The following KRAS variants were observed in gnomAD, a reference collection of about 807,000 sequenced individuals.
KRAS encodes the protein GTPase KRas.
In KRAS, 1 loss-of-function variant was observed where a neutral mutation model predicts 21.0. That is an observed-to-expected ratio of 0.05 (90% CI 0.02 to 0.23). KRAS has a LOEUF of 0.23. Ranked by LOEUF, KRAS falls within the 10% of genes least tolerant of loss-of-function variation. The pLI is 1.00. For missense variants in KRAS, 107 were observed against 221.8 expected (o/e 0.48, Z 3.29); for synonymous variants, 67 against 72.5 (o/e 0.92, Z 0.39).
At chr12:25,245,847 C>G (rs1031159049) in intron 1 of KRAS, among the ~76,000 whole-genome samples, 1 of 152,142 alleles carries the variant, frequency 6.6e-6, no homozygotes, top group Admixed American at 6.5e-5. Context: ...TGGACCCCCA[C>G]CTCTAAGTGT....
intron 4 of KRAS, among the ~76,000 whole-genome samples, chr12:25,210,218 T>C (rs1030177875): frequency 1.3e-5 from 2 of 152,200 alleles, no homozygotes; most frequent in Non-Finnish European, 1.5e-5. Flanking sequence ...TTTTTCCACA[T>C]TGGCAAACCT....
intron 4 of KRAS, among the ~76,000 whole-genome samples, chr12:25,211,760 T>TGGG (rs1951202271): frequency 6.6e-6 from 1 of 152,174 alleles, no homozygotes; most frequent in Admixed American, 6.5e-5. Flanking sequence ...AAACATAGAA[T>TGGG]GGGAATAAGA....
At chr12:25,215,658 GA>G (rs1951247305) in intron 4 of KRAS, 19 of 1,018,104 alleles carry the variant, frequency 1.9e-5, no homozygotes, top group Non-Finnish European at 2.6e-5. Context: ...ATGAGCTTGA[GA>G]TTTTTTTTTT....
chr12:25,238,831 T>G (rs1254129678), intron 2 of KRAS, among the ~76,000 whole-genome samples: 1 of 152,254 alleles, frequency 6.6e-6, no homozygotes, highest in Non-Finnish European at 1.5e-5. Flanking sequence ...GATTTCCATT[T>G]TTTTAAAATC....
At chr12:25,231,104 T>C (rs1182439725) in intron 2 of KRAS, among the ~76,000 whole-genome samples, 1 of 138,820 alleles carries the variant, frequency 7.2e-6, no homozygotes, top group Non-Finnish European at 1.6e-5. Context: ...TTTTTTTTTT[T>C]TTTTTTTTTT....
chr12:25,232,868 T>G (rs553197977), intron 2 of KRAS, among the ~76,000 whole-genome samples: 1 of 152,302 alleles, frequency 6.6e-6, no homozygotes, highest in South Asian at 2.1e-4. Context: ...AAGCACAATA[T>G]TTTTGGAAAG....
In KRAS at chr12:25,209,193, A is replaced by T; in HGVS notation, c.*602T>A. ...TTTTTTTCCATTTTTTTCTTTTTAT[A>T]GAAAAAATATAATATTTTGGGGAGA... On this transcript the variant is annotated 3_prime_UTR_variant, in exon 5 of 5. Transcript: ENST00000311936. 2 of 665,096 alleles carry T rather than the reference A, an allele frequency of 3.0e-6. No individual in the cohort carries two copies. Among genetic ancestry groups the T allele is most frequent in the Non-Finnish European group, 5.4e-6 (2 of 370,024 alleles). The allele number at this position is 665,096 out of a possible 1,614,324, so 41.2% of individuals were successfully genotyped here. A position where few individuals can be genotyped will look rare whatever the true frequency, so the allele number is the denominator to read the frequency against.
In KRAS at chr12:25,206,869, A is replaced by C. The variant is rs1268744713; in HGVS notation, c.*2926T>G. On this transcript the variant is annotated 3_prime_UTR_variant, in exon 5 of 5. Transcript: ENST00000311936. ...ATATTACACATTTGGGTCAATATGA[A>C]TATCTGACATACACCTTAATGTGTA... 2.0e-5 allele frequency: 4 copies of C among 200,458 alleles called. No homozygotes were observed. The highest frequency in any genetic ancestry group is 4.1e-5 in the Non-Finnish European group (4 of 97,326). The allele number at this position is 200,458 out of a possible 1,614,324, so 12.4% of individuals were successfully genotyped here. A position where few individuals can be genotyped will look rare whatever the true frequency, so the allele number is the denominator to read the frequency against.
At chr12:25,224,504 T>G (rs550520721) in intron 4 of KRAS, among the ~76,000 whole-genome samples, 12 of 152,186 alleles carry the variant, frequency 7.9e-5, no homozygotes, top group Non-Finnish European at 1.8e-4. Flanking sequence ...AAAATTTGTA[T>G]AGCTGTATAA....
intron 2 of KRAS, among the ~76,000 whole-genome samples, chr12:25,231,092 CTTTTTTTT>C (rs34361223): frequency 2.9e-4 from 19 of 66,392 alleles, no homozygotes; most frequent in Non-Finnish European, 4.1e-4. Flanking sequence ...ACCTCACATT[CTTTTTTTT>C]TTTTTTTTTT....
At chr12:25,220,279 C>T (rs1382712757) in intron 4 of KRAS, among the ~76,000 whole-genome samples, 2 of 152,206 alleles carry the variant, frequency 1.3e-5, no homozygotes, top group Non-Finnish European at 2.9e-5. Context: ...ATAGGGACTA[C>T]ACAATGTACT....
At chr12:25,245,756 C>T (rs61759633) in intron 1 of KRAS, among the ~76,000 whole-genome samples, 1 of 152,286 alleles carries the variant, frequency 6.6e-6, no homozygotes, top group African/African-American at 2.4e-5. Context: ...GTAGAGACTT[C>T]ACAGTGCTCT....
chr12:25,228,384 A>G (rs1033502386), intron 2 of KRAS, among the ~76,000 whole-genome samples: 9 of 151,982 alleles, frequency 5.9e-5, no homozygotes, highest in Admixed American at 1.3e-4. Context: ...AAATCCAAAA[A>G]AAAAATCTGA....
intron 2 of KRAS, among the ~76,000 whole-genome samples, chr12:25,244,348 T>C (rs17389103): frequency 0.19 from 28,818 of 152,184 alleles, 2,853 homozygotes; most frequent in Middle Eastern, 0.24. Context: ...TATAGGGCTA[T>C]TTCAAAGACA....
At chr12:25,239,632 A>T (rs1951586045) in intron 2 of KRAS, among the ~76,000 whole-genome samples, 1 of 152,212 alleles carries the variant, frequency 6.6e-6, no homozygotes, top group Non-Finnish European at 1.5e-5. Flanking sequence ...GGGAGAAAGA[A>T]GGTGAAAAAT....
At chr12:25,235,948 G>C (rs1357433590) in intron 2 of KRAS, among the ~76,000 whole-genome samples, 1 of 152,250 alleles carries the variant, frequency 6.6e-6, no homozygotes, top group East Asian at 1.9e-4. Context: ...TTCACAACAC[G>C]GTTCACGCTC....
At chr12:25,220,624 G>A (rs904482951) in intron 4 of KRAS, among the ~76,000 whole-genome samples, 1 of 152,042 alleles carries the variant, frequency 6.6e-6, no homozygotes, top group African/African-American at 2.4e-5. Context: ...CTACTCAGGA[G>A]GCTGAGGCAG....
intron 3 of KRAS, among the ~76,000 whole-genome samples, chr12:25,226,299 T>A (rs534700730): frequency 6.6e-6 from 1 of 152,304 alleles, no homozygotes; most frequent in South Asian, 2.1e-4. Flanking sequence ...TCATTTTCAA[T>A]ATAACAAGTG....
intron 1 of KRAS, among the ~76,000 whole-genome samples, chr12:25,248,651 C>T (rs1951720745): frequency 6.6e-6 from 1 of 151,090 alleles, no homozygotes; most frequent in Non-Finnish European, 1.5e-5. Context: ...AACCAAATCA[C>T]ATTTAAATCC....
Sources: gnomAD v4.1 joint callset for allele counts (sites outside exome capture counted in the v4.1 genomes callset) on GRCh38, gnomAD v4.1.1 for gene constraint, MANE v1.5 for transcripts, NCBI Gene and HGNC (gene_info 2026-07-23, HGNC 2026-07-21) for gene names.